The following SH3BP5 variants were observed in gnomAD, a reference collection of about 807,000 sequenced individuals.
SH3BP5 encodes the protein SH3 domain-binding protein 5.
Under a neutral mutation model 43.3 loss-of-function variants are expected in SH3BP5, and 22 were observed. The observed-to-expected ratio is 0.51, with a 90% CI of 0.36 to 0.73. The LOEUF (loss-of-function observed/expected upper bound fraction) is 0.73. SH3BP5 is among the 30% of genes least tolerant of loss of function. The pLI, the probability that SH3BP5 is intolerant of heterozygous loss-of-function variation, is 0.00. For missense variants in SH3BP5, 529 were observed against 586.9 expected (o/e 0.90, Z 1.02); for synonymous variants, 255 against 225.8 (o/e 1.13, Z -1.16).
chr3:15,291,119 C>G (rs1457364526), intron 3 of SH3BP5, among the ~76,000 whole-genome samples: 2 of 152,212 alleles, frequency 1.3e-5, no homozygotes, highest in East Asian at 3.8e-4. Context: ...AGCTCCTTAT[C>G]TTAGAAACTC....
intron 4 of SH3BP5, among the ~76,000 whole-genome samples, chr3:15,262,610 C>T (rs570961559): frequency 4.6e-5 from 7 of 152,144 alleles, no homozygotes; most frequent in African/African-American, 1.4e-4. Context: ...GAGCCAAGAT[C>T]GTGCCACTGC....
At position 15,254,520 on chromosome 3, in the gene SH3BP5, A is replaced by ATTAAT. The variant is rs1369975942; in HGVS notation, c.*1561_*1565dup. The ATTAAT allele has an allele frequency of 6.6e-6, 1 of 152,072 alleles. No homozygotes were observed. Among genetic ancestry groups the ATTAAT allele is most frequent in the African/African-American group, 2.4e-5 (1 of 41,358 alleles). The allele number at this position is 152,072 out of a possible 1,614,324, so 9.4% of individuals were successfully genotyped here. On this transcript the variant is annotated 3_prime_UTR_variant, in exon 9 of 9. Transcript: ENST00000383791. Reference sequence around the variant, plus strand: ...TGCCCCAGTGTACCCCCCCCAGTTAATTAATTAAATAATTCTCTGGGGATG... The same window carrying ATTAAT: ...TGCCCCAGTGTACCCCCCCCAGTTAATTAATTTAATTAAATAATTCTCTGGGGATG...
intron 3 of SH3BP5, among the ~76,000 whole-genome samples, chr3:15,298,174 C>T (rs1302901145): frequency 6.6e-6 from 1 of 151,980 alleles, no homozygotes; most frequent in Non-Finnish European, 1.5e-5. Context: ...CACTACATTG[C>T]CTAGGCTGGC....
At position 15,332,513 on chromosome 3, in the gene SH3BP5, G is replaced by C. The variant is rs1465392270; in HGVS notation, c.-105C>G. The stretch of plus-strand genomic sequence containing the variant: ...CGCCTCGCCACAGCCGGGCACGGTC[G>C]GGGAGCCGCCGGGGCCGACACCCGG... On this transcript the variant is annotated 5_prime_UTR_variant, in exon 1 of 9. Coordinates refer to ENST00000383791, the MANE Select transcript of SH3BP5 (RefSeq NM_004844.5). 1.6e-6 allele frequency: 2 copies of C among 1,264,806 alleles called. No individual in the cohort carries two copies. Among genetic ancestry groups the C allele is most frequent in the Admixed American group, 4.3e-5 (1 of 23,172 alleles). The allele number at this position is 1,264,806 out of a possible 1,614,324, so 78.3% of individuals were successfully genotyped here.
intron 3 of SH3BP5, among the ~76,000 whole-genome samples, chr3:15,292,248 C>T (rs1462705163): frequency 6.6e-6 from 1 of 152,226 alleles, no homozygotes; most frequent in Non-Finnish European, 1.5e-5. Context: ...GGGAACCAAA[C>T]TCCACACCCT....
At chr3:15,327,961 G>C (rs969237569) in intron 2 of SH3BP5, among the ~76,000 whole-genome samples, 10 of 152,184 alleles carry the variant, frequency 6.6e-5, no homozygotes, top group Non-Finnish European at 1.3e-4. Flanking sequence ...AAATTGTACT[G>C]TCTTGGATAT....
intron 3 of SH3BP5, among the ~76,000 whole-genome samples, chr3:15,275,132 C>G (rs1696927579): frequency 6.6e-6 from 1 of 152,212 alleles, no homozygotes; most frequent in Non-Finnish European, 1.5e-5. Flanking sequence ...AGGGAGATCT[C>G]TCCCTCTGGT....
At chr3:15,305,195 G>T (rs1697869164) in intron 2 of SH3BP5, among the ~76,000 whole-genome samples, 1 of 151,972 alleles carries the variant, frequency 6.6e-6, no homozygotes, top group Non-Finnish European at 1.5e-5. Context: ...GCATAGCACG[G>T]TATAGATTAA....
At chr3:15,304,893 G>C (rs1418905877) in intron 2 of SH3BP5, among the ~76,000 whole-genome samples, 2 of 150,092 alleles carry the variant, frequency 1.3e-5, no homozygotes, top group Non-Finnish European at 2.9e-5. Context: ...TGCACAACAT[G>C]CTGTGCACTG....
intron 2 of SH3BP5, among the ~76,000 whole-genome samples, chr3:15,326,691 C>A (rs1476220152): frequency 2.6e-5 from 4 of 152,194 alleles, no homozygotes; most frequent in Admixed American, 2.6e-4. Context: ...TTTCAGTGCC[C>A]ATCCTGTAAA....
At chr3:15,308,490 A>G (rs571975450) in intron 2 of SH3BP5, among the ~76,000 whole-genome samples, 1 of 152,308 alleles carries the variant, frequency 6.6e-6, no homozygotes, top group Admixed American at 6.5e-5. Context: ...CAACAGACAC[A>G]CGGCTGAGAA....
Position 15,305,116 on chromosome 3 carries a change from C to CA in SH3BP5, c.202-886dup, listed in dbSNP as rs11475958. Reference sequence around the variant, plus strand: ...TGGGTGACAGAGTGAGACACTGTCTCAAAAAAAAAAAAAATTAATTCATTA... The same window carrying CA: ...TGGGTGACAGAGTGAGACACTGTCTCAAAAAAAAAAAAAAATTAATTCATTA... On this transcript the variant is annotated intron_variant, in intron 2 of 8. Transcript: ENST00000383791. Among the ~76,000 whole-genome samples, 294 of 115,974 alleles carry CA rather than the reference C, an allele frequency of 2.5e-3. 1 individual carries two copies. Among genetic ancestry groups the CA allele is most frequent in the South Asian group, 7.7e-3 (30 of 3,918 alleles). The allele number at this position is 115,974 out of a possible 152,430, so 76.1% of individuals were successfully genotyped here.
At chr3:15,263,782 G>A (rs1380021683) in intron 4 of SH3BP5, among the ~76,000 whole-genome samples, 3 of 152,202 alleles carry the variant, frequency 2.0e-5, no homozygotes, top group Non-Finnish European at 2.9e-5. Flanking sequence ...GAAACAAACC[G>A]CAGTTCAGGC....
Position 15,292,821 on chromosome 3 carries a change from C to A in SH3BP5, c.330+11282G>T, listed in dbSNP as rs540280344. Among the ~76,000 whole-genome samples the A allele has an allele frequency of 2.6e-5, 4 of 152,306 alleles. No individual in the cohort carries two copies. The South Asian group carries it at 8.3e-4, about 32-fold the overall frequency. On this transcript the variant is annotated intron_variant, in intron 3 of 8. Transcript: ENST00000383791. Reference sequence around the variant, plus strand: ...CGAGATCACACCATTGCACCCCAGCCTGGGCAACAAAAGCGAAATTCCATC... The same window carrying A: ...CGAGATCACACCATTGCACCCCAGCATGGGCAACAAAAGCGAAATTCCATC...
At chr3:15,331,733 C>G (rs1698614426) in intron 1 of SH3BP5, 1 of 152,618 alleles carries the variant, frequency 6.6e-6, no homozygotes, top group South Asian at 2.0e-4. Flanking sequence ...CAATAAGCCG[C>G]TCAGTTCGCT....
At chr3:15,292,492 G>A (rs138867636) in intron 3 of SH3BP5, among the ~76,000 whole-genome samples, 15 of 152,276 alleles carry the variant, frequency 9.9e-5, no homozygotes, top group Non-Finnish European at 2.1e-4. Context: ...TCCCCCACGC[G>A]GACTTCCTGC....
At chr3:15,257,202 CA>C (rs1696242049) in intron 7 of SH3BP5, 89 bp from the exon 8 acceptor site, 1 of 1,350,564 alleles carries the variant, frequency 7.4e-7, no homozygotes, top group Non-Finnish European at 1.0e-6. Flanking sequence ...CTAGACACAG[CA>C]TGGGGGACTA....
In SH3BP5 at chr3:15,332,586, G is replaced by C; in HGVS notation, c.-178C>G. 8.3e-7 allele frequency: 1 copy of C among 1,206,204 alleles called. No individual in the cohort carries two copies. Among genetic ancestry groups the C allele is most frequent in the Non-Finnish European group, 1.0e-6 (1 of 972,736 alleles). The allele number at this position is 1,206,204 out of a possible 1,614,324, so 74.7% of individuals were successfully genotyped here. ...ATACCTCCGGCCGCGGCGGAGCAGA[G>C]GAAATGGGCGCGGCCGCCCCCTTTC... On this transcript the variant is annotated 5_prime_UTR_variant, in exon 1 of 9. Transcript: ENST00000383791.
In SH3BP5 at chr3:15,256,965, G is replaced by C; in HGVS notation, c.1038C>G (p.Ser346Arg). The change falls in exon 8 of 9, where the codon AGC becomes AGG. Residue 346 changes from serine (S) to arginine (R), a missense_variant. By Grantham distance (110) the Ser-to-Arg change is moderately radical (BLOSUM62 -1). This residue lies in a region of SH3BP5 where 369 missense variants were observed against 384.3 expected (regional missense o/e 0.96). Coordinates refer to ENST00000383791, the MANE Select transcript of SH3BP5 (RefSeq NM_004844.5). ...GGGACACAGGGCTGGGCAGATCCAG[G>C]CTGCCAGGCCTCACAACCGCAGGGA... ...DQFPAVVRPG[S>R]LDLPSPVSLS... 1 of 1,614,212 alleles carries C rather than the reference G, an allele frequency of 6.2e-7. No individual in the cohort carries two copies. The highest frequency in any genetic ancestry group is 1.7e-5 in the Admixed American group (1 of 60,020).
Sources: allele counts gnomAD v4.1 joint callset (sites outside exome capture counted in the v4.1 genomes callset), GRCh38; gene constraint gnomAD v4.1.1; regional missense constraint gnomAD v4.1.1; transcripts MANE v1.5; gene names NCBI Gene and HGNC (gene_info 2026-07-23, HGNC 2026-07-21).